The following FMN2 variants were observed in gnomAD, a reference collection of about 807,000 sequenced individuals.
FMN2 encodes formin 2.
FMN2 carries 51 observed loss-of-function variants against 142.3 expected under a neutral mutation model. The ratio of observed to expected loss-of-function variants is 0.36; its 90% CI spans 0.29 to 0.45. FMN2 has a LOEUF of 0.45. Among genes scored for constraint, FMN2 ranks in the 20% least tolerant of loss-of-function variants. The pLI is 1.00. For missense variants in FMN2, 1,936 were observed against 2,122.8 expected (o/e 0.91, Z 1.73); for synonymous variants, 882 against 869.8 (o/e 1.01, Z -0.25).
chr1:240,373,972 A>T (rs1672956947), intron 14 of FMN2, among the ~76,000 whole-genome samples: 1 of 152,258 alleles, frequency 6.6e-6, no homozygotes, highest in African/African-American at 2.4e-5. Flanking sequence ...CAAAGTTAAA[A>T]TGACCCCTTG....
At chr1:240,408,872 C>T (rs1004454731) in intron 15 of FMN2, among the ~76,000 whole-genome samples, 3 of 152,012 alleles carry the variant, frequency 2.0e-5, no homozygotes, top group Non-Finnish European at 4.4e-5. Flanking sequence ...ACACCAGTGC[C>T]TTATAGGTTG....
chr1:240,133,300 G>A (rs1375912509), intron 2 of FMN2, among the ~76,000 whole-genome samples: 2 of 152,012 alleles, frequency 1.3e-5, no homozygotes, highest in Admixed American at 6.5e-5. Flanking sequence ...CCAAATAGCT[G>A]GGACTAAATG....
chr1:240,136,624 T>C (rs929261757), intron 2 of FMN2, among the ~76,000 whole-genome samples: 1 of 152,166 alleles, frequency 6.6e-6, no homozygotes, highest in African/African-American at 2.4e-5. Flanking sequence ...TGATGGACTT[T>C]TATTAAAAGG....
At chr1:240,458,784 G>A (rs1438169375) in intron 16 of FMN2, 2 of 152,124 alleles carry the variant, frequency 1.3e-5, no homozygotes, top group Non-Finnish European at 2.9e-5. Flanking sequence ...ATGTACGGCA[G>A]GAGTATTTTT....
At chr1:240,211,041 A>C (rs1405930114) in intron 5 of FMN2, 50 bp from the exon 6 acceptor site, 8 of 1,541,256 alleles carry the variant, frequency 5.2e-6, no homozygotes, top group Non-Finnish European at 6.1e-6. Flanking sequence ...GCTTGCTGTG[A>C]TGTAAGTTCA....
chr1:240,142,536 C>G lies in FMN2; in HGVS notation c.1782+19191C>G. 3 of 736,264 alleles carry G rather than the reference C, an allele frequency of 4.1e-6. No individual in the cohort carries two copies. The South Asian group carries it at 5.7e-5, about 14-fold the overall frequency. 45.6% of individuals were successfully genotyped at this position (736,264 alleles called of 1,614,324 possible). On this transcript the variant is annotated intron_variant, in intron 2 of 17. Transcript: ENST00000319653. ...GGGATAAAGGTCTTTATTGAACAAC[C>G]TTATCTCACTCAGTAACAAAAGAGC...
intron 14 of FMN2, among the ~76,000 whole-genome samples, chr1:240,357,890 G>A (rs1672328209): frequency 6.6e-6 from 1 of 151,940 alleles, no homozygotes; most frequent in Non-Finnish European, 1.5e-5. Flanking sequence ...TACAGGCGTG[G>A]GCCACCGAGC....
At chr1:240,396,303 CGTGTGTGTGT>C (rs57641655) in intron 15 of FMN2, among the ~76,000 whole-genome samples, 4,073 of 142,804 alleles carry the variant, frequency 0.029, 163 homozygotes, top group African/African-American at 0.085. Context: ...CCGAGGTTTT[CGTGTGTGTGT>C]GTGTGTGTGT....
At chr1:240,462,943 G>A (rs1009308482) in intron 16 of FMN2, among the ~76,000 whole-genome samples, 1 of 152,178 alleles carries the variant, frequency 6.6e-6, no homozygotes, top group Non-Finnish European at 1.5e-5. Flanking sequence ...GGAAAAATGA[G>A]TAGGCAGTCC....
intron 7 of FMN2, among the ~76,000 whole-genome samples, chr1:240,291,049 G>C (rs1428652080): frequency 2.0e-5 from 3 of 151,984 alleles, no homozygotes; most frequent in Non-Finnish European, 4.4e-5. Context: ...CTGGGCCTCA[G>C]GTGATCCGCC....
chr1:240,396,724 C>T (rs184733046), intron 15 of FMN2, among the ~76,000 whole-genome samples: 4 of 152,102 alleles, frequency 2.6e-5, no homozygotes, highest in Non-Finnish European at 4.4e-5. Context: ...TCCGTTCTTG[C>T]GTTAATTCTC....
intron 2 of FMN2, among the ~76,000 whole-genome samples, chr1:240,147,649 C>T (rs1245349918): frequency 6.6e-6 from 1 of 152,172 alleles, no homozygotes; most frequent in African/African-American, 2.4e-5. Context: ...TGAGCCATTG[C>T]ACCTGGCCTT....
At chr1:240,304,174 A>T (rs1572174025) in intron 8 of FMN2, among the ~76,000 whole-genome samples, 1 of 152,224 alleles carries the variant, frequency 6.6e-6, no homozygotes, top group Admixed American at 6.5e-5. Flanking sequence ...TTTTTCAGGG[A>T]TAATTTGTAT....
intron 15 of FMN2, among the ~76,000 whole-genome samples, chr1:240,415,892 C>G (rs552552353): frequency 3.3e-5 from 5 of 152,152 alleles, no homozygotes; most frequent in African/African-American, 1.2e-4. Context: ...TAGATATATT[C>G]GTTTTGGAAG....
At chr1:240,430,741 C>A (rs950738619) in intron 15 of FMN2, among the ~76,000 whole-genome samples, 1 of 150,402 alleles carries the variant, frequency 6.6e-6, no homozygotes, top group South Asian at 2.1e-4. Flanking sequence ...AACTTTCCTA[C>A]CCCCGCATTG....
chr1:240,205,113 G>A (rs1044245065), intron 4 of FMN2, among the ~76,000 whole-genome samples: 10 of 152,010 alleles, frequency 6.6e-5, no homozygotes, highest in Admixed American at 2.0e-4. Flanking sequence ...GGTAAGAAGC[G>A]TGTGCATGTG....
Position 240,328,167 on chromosome 1 carries a change from A to AAAAAAAAAAAAAAAAG in FMN2, c.4216-904_4216-903insAAAAAAAAAAGAAAAA, listed in dbSNP as rs1558435720. On this transcript the variant is annotated intron_variant, in intron 8 of 17. Coordinates refer to ENST00000319653, the MANE Select transcript of FMN2 (RefSeq NM_020066.5). Reference sequence around the variant, plus strand: ...CATCTCAAAAAAAAAAAAAAAAAAAAAAAAAGAAAAAGAAAATCCAGCAAA... The same window carrying AAAAAAAAAAAAAAAAG: ...CATCTCAAAAAAAAAAAAAAAAAAAAAAAAAAAAAAAAAAAGAAAAAGAAAAAGAAAATCCAGCAAA... Among the ~76,000 whole-genome samples the AAAAAAAAAAAAAAAAG allele has an allele frequency of 1.6e-3, 232 of 141,016 alleles. 2 individuals are homozygous for AAAAAAAAAAAAAAAAG. Among genetic ancestry groups the AAAAAAAAAAAAAAAAG allele is most frequent in the Non-Finnish European group, 2.3e-3 (147 of 64,754 alleles). 92.5% of individuals were successfully genotyped at this position (141,016 alleles called of 152,430 possible).
intron 6 of FMN2, among the ~76,000 whole-genome samples, chr1:240,236,525 G>A (rs887932742): frequency 1.3e-5 from 2 of 152,192 alleles, no homozygotes; most frequent in Non-Finnish European, 2.9e-5. Flanking sequence ...TCATGGTTCT[G>A]TAGACCACAC....
At position 240,207,830 on chromosome 1, in the gene FMN2, G is replaced by A. The variant is rs772839484; in HGVS notation, c.3018G>A (p.Ala1006=). 4.0e-4 allele frequency: 120 copies of A among 301,200 alleles called. No homozygotes were observed. The highest frequency in any genetic ancestry group is 1.9e-3 in the Middle Eastern group (2 of 1,062). 18.7% of individuals were successfully genotyped at this position (301,200 alleles called of 1,614,324 possible). Residue 1006 remains alanine, a synonymous_variant, in exon 5 of 18, where the codon GCG becomes GCA. Transcript: ENST00000319653. ...GIPPPPPLPG[A]GIPPPPPLPG... The stretch of plus-strand genomic sequence containing the variant: ...CCCCTCCGCCCCCACTTCCCGGAGC[G>A]GGCATACCCCCTCCTCCCCCTCTTC...
Sources: gnomAD v4.1 joint callset for allele counts (sites outside exome capture counted in the v4.1 genomes callset) on GRCh38, gnomAD v4.1.1 for gene constraint, MANE v1.5 for transcripts, NCBI Gene and HGNC (gene_info 2026-07-23, HGNC 2026-07-21) for gene names.